The following FAM149B1 variants were observed in gnomAD, a reference collection of about 807,000 sequenced individuals.
FAM149B1 encodes primary cilium assembly protein FAM149B1.
A neutral mutation model predicts 75.3 loss-of-function variants in FAM149B1; 56 were observed. That is an observed-to-expected ratio of 0.74 (90% CI 0.60 to 0.93). The LOEUF (loss-of-function observed/expected upper bound fraction) is 0.93, where lower values mean the gene tolerates loss of function less well. Among genes scored for constraint, FAM149B1 ranks in the 40% least tolerant of loss-of-function variants. FAM149B1 has a pLI of 0.00. For synonymous variants in FAM149B1, 259 were observed against 256.1 expected (o/e 1.01, Z -0.11); for missense variants, 639 against 708.4 (o/e 0.90, Z 1.11).
At chr10:73,189,266 G>A (rs1340168123) in intron 3 of FAM149B1, among the ~76,000 whole-genome samples, 1 of 151,504 alleles carries the variant, frequency 6.6e-6, no homozygotes, top group African/African-American at 2.4e-5. Flanking sequence ...TGGATGTGGA[G>A]CAGGTTTAAT....
chr10:73,176,991 C>T (rs895738439), intron 2 of FAM149B1, among the ~76,000 whole-genome samples: 7 of 152,046 alleles, frequency 4.6e-5, no homozygotes, highest in Admixed American at 2.0e-4. Flanking sequence ...CACGCCACTG[C>T]ACTCAGTCTG....
chr10:73,200,638 T>G lies in FAM149B1; in HGVS notation c.542+7045T>G. The G allele has an allele frequency of 5.0e-6, 3 of 603,136 alleles. No individual in the cohort carries two copies. The South Asian group carries it at 5.2e-5, about 10-fold the overall frequency. 37.4% of individuals were successfully genotyped at this position (603,136 alleles called of 1,614,324 possible). A position where few individuals can be genotyped will look rare whatever the true frequency, so the allele number is the denominator to read the frequency against. On this transcript the variant is annotated intron_variant, in intron 5 of 13. Transcript: ENST00000242505. ...AAAAATTAAATACAAGTATTTAGGT[T>G]GTGTTGCTTTCTGCCATGATGCCAA...
rs1437996298 is a variant in FAM149B1 at position 73,241,898 on chromosome 10, GCTTT to G, written c.*882_*885del. The G allele has an allele frequency of 6.6e-6, 1 of 152,170 alleles. No individual in the cohort carries two copies. 9.4% of individuals were successfully genotyped at this position (152,170 alleles called of 1,614,324 possible). ...TCCTATAAACAGCAGGAGAGGTTCA[GCTTT>G]CTGATTTTACTGTGGACCTTTTCCT... is the stretch of plus-strand genomic sequence containing the variant. On this transcript the variant is annotated 3_prime_UTR_variant, in exon 14 of 14. Coordinates refer to ENST00000242505, the MANE Select transcript of FAM149B1 (RefSeq NM_173348.2).
intron 5 of FAM149B1, among the ~76,000 whole-genome samples, chr10:73,198,421 G>A (rs1364714863): frequency 6.6e-6 from 1 of 152,162 alleles, no homozygotes; most frequent in African/African-American, 2.4e-5. Context: ...GGCAATATGT[G>A]GAATGGGAGA....
At chr10:73,235,591 G>GTACA in intron 12 of FAM149B1, 1 of 501,518 alleles carries the variant, frequency 2.0e-6, no homozygotes, top group South Asian at 2.5e-5. Context: ...TTAAATCCCA[G>GTACA]TACACATCAG....
chr10:73,222,924 T>A (rs1470367745), intron 7 of FAM149B1, among the ~76,000 whole-genome samples: 1 of 152,190 alleles, frequency 6.6e-6, no homozygotes, highest in Admixed American at 6.6e-5. Flanking sequence ...TAAATTTACA[T>A]CAAGTAAGCT....
intron 7 of FAM149B1, among the ~76,000 whole-genome samples, chr10:73,223,030 G>A: frequency 6.6e-6 from 1 of 152,112 alleles, no homozygotes. Context: ...TAAAGCAGGA[G>A]GATCCCTTAA....
At chr10:73,202,481 G>A (rs1022742176) in intron 5 of FAM149B1, among the ~76,000 whole-genome samples, 11 of 151,266 alleles carry the variant, frequency 7.3e-5, no homozygotes, top group African/African-American at 2.7e-4. Flanking sequence ...TACCCAGGCT[G>A]CAGTGCAATG....
chr10:73,226,501 T>C (rs1464976265), intron 7 of FAM149B1, among the ~76,000 whole-genome samples: 1 of 152,032 alleles, frequency 6.6e-6, no homozygotes, highest in Non-Finnish European at 1.5e-5. Context: ...CGAGACTCTG[T>C]CTCAAAAAAA....
intron 8 of FAM149B1, among the ~76,000 whole-genome samples, chr10:73,228,629 G>A (rs1431430540): frequency 6.6e-6 from 1 of 151,456 alleles, no homozygotes; most frequent in African/African-American, 2.4e-5. Flanking sequence ...AGACAGTCTC[G>A]CTCTGTCACC....
chr10:73,220,672 A>G (rs1159183282), intron 7 of FAM149B1, among the ~76,000 whole-genome samples: 1 of 152,188 alleles, frequency 6.6e-6, no homozygotes, highest in Non-Finnish European at 1.5e-5. Flanking sequence ...TGAGGTAATA[A>G]GAGTGGGCTC....
chr10:73,211,763 TTTTTC>T (rs1170595896), intron 7 of FAM149B1, among the ~76,000 whole-genome samples: 1 of 152,234 alleles, frequency 6.6e-6, no homozygotes, highest in African/African-American at 2.4e-5. Flanking sequence ...ACTGCACTAT[TTTTTC>T]TTTTCATTTT....
intron 6 of FAM149B1, among the ~76,000 whole-genome samples, chr10:73,209,691 A>G (rs563366901): frequency 1.3e-5 from 2 of 152,352 alleles, no homozygotes; most frequent in Non-Finnish European, 2.9e-5. Context: ...TTCTCAATCC[A>G]GTCTTCTCTT....
intron 12 of FAM149B1, among the ~76,000 whole-genome samples, chr10:73,236,532 G>C (rs1312606215): frequency 6.6e-6 from 1 of 151,106 alleles, no homozygotes; most frequent in African/African-American, 2.4e-5. Context: ...TCCTGCCTCA[G>C]CCTCCCGAAT....
intron 3 of FAM149B1, among the ~76,000 whole-genome samples, 179 bp downstream of exon 3, chr10:73,178,154 G>A (rs1337008453): frequency 6.6e-6 from 1 of 152,100 alleles, no homozygotes; most frequent in Non-Finnish European, 1.5e-5. Context: ...TTGTTTTATT[G>A]ATATAGTAGT....
chr10:73,170,078 A>C (rs1843647029), intron 1 of FAM149B1, among the ~76,000 whole-genome samples: 1 of 149,466 alleles, frequency 6.7e-6, no homozygotes, highest in African/African-American at 2.5e-5. Context: ...CATACATGAT[A>C]ATTGCAAGCA....
intron 3 of FAM149B1, among the ~76,000 whole-genome samples, chr10:73,190,861 G>A (rs1347242401): frequency 1.3e-5 from 2 of 152,010 alleles, no homozygotes; most frequent in African/African-American, 2.4e-5. Context: ...TGGGACTATA[G>A]GCACAGACCA....
chr10:73,234,969 G>T, intron 11 of FAM149B1, 29 bp downstream of exon 11: 1 of 1,550,140 alleles, frequency 6.5e-7, no homozygotes, highest in Non-Finnish European at 8.7e-7. Flanking sequence ...GCCTCTCCAT[G>T]TACTTACCAT....
In FAM149B1 at chr10:73,168,370, C is replaced by T; in HGVS notation, c.31C>T (p.Pro11Ser). 4 of 1,549,922 alleles carry T rather than the reference C, an allele frequency of 2.6e-6. No homozygotes were observed. The highest frequency in any genetic ancestry group is 3.5e-6 in the Non-Finnish European group (4 of 1,146,764). The change falls in exon 1 of 14, where the codon CCA (proline) becomes TCA (serine). Residue 11 changes from proline (P) to serine (S), a missense_variant. Pro to Ser is a moderately conservative substitution (Grantham distance 74). Transcript: ENST00000242505. MISRYTRKAVPQSLELKGITK... is the reference protein window; with the variant it reads MISRYTRKAVSQSLELKGITK... ...CTCCAGATACACTCGGAAGGCGGTGCCACAGAGCTTGGAGCTGTGAGTGGA... is the reference window on the plus strand; with the variant it reads ...CTCCAGATACACTCGGAAGGCGGTGTCACAGAGCTTGGAGCTGTGAGTGGA...
Sources: allele counts gnomAD v4.1 joint callset (sites outside exome capture counted in the v4.1 genomes callset), GRCh38; gene constraint gnomAD v4.1.1; transcripts MANE v1.5; gene names NCBI Gene and HGNC (gene_info 2026-07-23, HGNC 2026-07-21).